ANO1: variants seen among roughly 807,000 people sequenced by gnomAD.
ANO1 encodes anoctamin 1.
ANO1 carries 59 observed loss-of-function variants against 124.0 expected under a neutral mutation model. The ratio of observed to expected loss-of-function variants is 0.48; its 90% CI spans 0.39 to 0.59. ANO1 has a LOEUF of 0.59. Ranked by LOEUF, ANO1 falls within the 20% of genes least tolerant of loss-of-function variation. The pLI, the probability that ANO1 is intolerant of heterozygous loss-of-function variation, is 0.00. For synonymous variants in ANO1, 529 were observed against 532.0 expected, an observed-to-expected ratio of 0.99 and a Z score of 0.08; for missense variants, 1,059 against 1,328.0, an observed-to-expected ratio of 0.80 and a Z score of 3.15.
Position 70,149,792 on chromosome 11 carries a change from G to C in ANO1, c.1341G>C (p.Glu447Asp), listed in dbSNP as rs1191941991. Residue 447 changes from glutamate to aspartate, a missense_variant and splice_region_variant, in exon 12 of 26, where the codon GAG becomes GAC. By Grantham distance (45) the Glu-to-Asp change is conservative (BLOSUM62 2). This residue lies in a region of ANO1 where 809 missense variants were observed against 1,094.9 expected (regional missense o/e 0.74). Transcript: ENST00000355303. ...RWDLTGFEEE[E>D]EAVKDHPRAE... ...ACCTCACGGGCTTTGAAGAGGAAGA[G>C]GTCAGTGGGTTTGCCGCCGTGCATA... 11 of 1,613,356 alleles carry C rather than the reference G, an allele frequency of 6.8e-6. No individual in the cohort carries two copies. The highest frequency in any genetic ancestry group is 7.6e-6 in the Non-Finnish European group (9 of 1,179,738).
intron 1 of ANO1, among the ~76,000 whole-genome samples, chr11:70,057,504 C>T (rs1857467678): frequency 6.6e-6 from 1 of 151,902 alleles, no homozygotes; most frequent in East Asian, 1.9e-4. Context: ...GCAGGCGAGG[C>T]AGACTGAGTC....
intron 2 of ANO1, among the ~76,000 whole-genome samples, chr11:70,091,725 T>A (rs2044633157): frequency 6.6e-6 from 1 of 152,130 alleles, no homozygotes; most frequent in Non-Finnish European, 1.5e-5. Context: ...TGACCTGGCC[T>A]TTGTTCCTGG....
At chr11:69,970,498 G>C in the ANO1 span, among the ~76,000 whole-genome samples, 1 of 152,188 alleles carries the variant, frequency 6.6e-6, no homozygotes, top group Non-Finnish European at 1.5e-5. Flanking sequence ...CGGGAGGCAG[G>C]GGCTGTTTGC....
chr11:70,105,192 C>T (rs374650001), intron 4 of ANO1, among the ~76,000 whole-genome samples: 51 of 152,296 alleles, frequency 3.3e-4, no homozygotes, highest in African/African-American at 1.1e-3. Context: ...CCGCCCTCCC[C>T]AGCTCTCCCC....
At chr11:70,101,436 A>T (rs2045269350) in intron 2 of ANO1, among the ~76,000 whole-genome samples, 1 of 151,830 alleles carries the variant, frequency 6.6e-6, no homozygotes, top group African/African-American at 2.4e-5. Context: ...CATGCCTGTA[A>T]TCCCAGCTAC....
At chr11:70,039,867 C>T (rs1857155514) in intron 1 of ANO1, among the ~76,000 whole-genome samples, 1 of 152,184 alleles carries the variant, frequency 6.6e-6, no homozygotes, top group Admixed American at 6.5e-5. Flanking sequence ...AAAGGAAGTG[C>T]CACAAGGTGG....
chr11:70,014,831 T>G (rs1458162846), intron 1 of ANO1: 7 of 8,146 alleles, frequency 8.6e-4, no homozygotes, highest in Non-Finnish European at 1.7e-3. Context: ...TTGTTTTTGT[T>G]TTTTTTTTTT....
rs531978067 is a variant in ANO1 at position 70,136,662 on chromosome 11, G to A, written c.1258+4583G>A. On this transcript the variant is annotated intron_variant, in intron 11 of 25. Transcript: ENST00000355303. ...CTGGTGAGGTCAGGTGCCTGTCGTC[G>A]GCGTCTGCACTTGCCTGGAAGCCGC... 1.8e-4 allele frequency among the ~76,000 whole-genome samples: 27 copies of A among 147,262 alleles called. 3 individuals are homozygous for A. The highest frequency in any genetic ancestry group is 1.4e-3 in the Admixed American group (20 of 13,908).
At chr11:70,067,556 G>A (rs534019678) in intron 1 of ANO1, among the ~76,000 whole-genome samples, 28 of 152,296 alleles carry the variant, frequency 1.8e-4, no homozygotes, top group African/African-American at 5.5e-4. Context: ...TTGAACTCCC[G>A]ACCTCAAGTG....
At chr11:70,073,774 T>G (rs1170718780), upstream of ANO1, among the ~76,000 whole-genome samples, 1 of 152,012 alleles carries the variant, frequency 6.6e-6, no homozygotes, top group South Asian at 2.1e-4. Flanking sequence ...ATTAAGAATC[T>G]GAAAACCCTC....
intron 21 of ANO1, among the ~76,000 whole-genome samples, chr11:70,168,943 CCT>C (rs35676656): frequency 0.099 from 15,008 of 152,218 alleles, 821 homozygotes; most frequent in Middle Eastern, 0.2. Flanking sequence ...TTCTGTGGCT[CCT>C]CTCTGTTTTC....
At chr11:69,978,794 G>A in the ANO1 span, among the ~76,000 whole-genome samples, 1 of 152,172 alleles carries the variant, frequency 6.6e-6, no homozygotes, top group Non-Finnish European at 1.5e-5. Flanking sequence ...AACCATGTGA[G>A]GAGAAAACCC....
Position 70,111,778 on chromosome 11 carries a change from A to G in ANO1, c.855+16A>G. 6.2e-7 allele frequency: 1 copy of G among 1,613,688 alleles called. No individual in the cohort carries two copies. Among genetic ancestry groups the G allele is most frequent in the Non-Finnish European group, 8.5e-7 (1 of 1,179,592 alleles). On this transcript the variant is annotated intron_variant, in intron 7 of 25. Coordinates refer to ENST00000355303, the MANE Select transcript of ANO1 (RefSeq NM_018043.7). Reference sequence around the variant, plus strand: ...ACTGCACGATGTAAGTAACCTTGACACACGATTTATCTCTGCGTCATTTGA... The same window carrying G: ...ACTGCACGATGTAAGTAACCTTGACGCACGATTTATCTCTGCGTCATTTGA...
chr11:70,185,578 G>A lies in ANO1; in HGVS notation c.2589-12G>A, dbSNP rs762660691. ...GAAGTCCCACCCTCGACTCCACCACGGTCTTTTGCAGGTATAAAGACTACC... is the reference window on the plus strand; with the variant it reads ...GAAGTCCCACCCTCGACTCCACCACAGTCTTTTGCAGGTATAAAGACTACC... On this transcript the variant is annotated splice_polypyrimidine_tract_variant and intron_variant, in intron 24 of 25. Coordinates refer to ENST00000355303, the MANE Select transcript of ANO1 (RefSeq NM_018043.7). 3.7e-6 allele frequency: 6 copies of A among 1,611,032 alleles called. No individual in the cohort carries two copies. Among genetic ancestry groups the A allele is most frequent in the African/African-American group, 1.3e-5 (1 of 74,990 alleles).
chr11:69,988,491 A>G (rs992588713), intron 1 of ANO1, among the ~76,000 whole-genome samples: 3 of 152,216 alleles, frequency 2.0e-5, no homozygotes, highest in African/African-American at 7.2e-5. Context: ...AGTGAGGATT[A>G]TCATCATTGT....
At position 70,124,267 on chromosome 11, in the gene ANO1, G is replaced by A. The variant is rs970509450; in HGVS notation, c.898-83G>A. Reference sequence around the variant, plus strand: ...GGGATGAATGAATGATGTCACGGAGGCTCAGTCCCCGCAGCTCTGCGTTCC... The same window carrying A: ...GGGATGAATGAATGATGTCACGGAGACTCAGTCCCCGCAGCTCTGCGTTCC... On this transcript the variant is annotated intron_variant, in intron 8 of 25. Transcript: ENST00000355303. 8 of 1,291,342 alleles carry A rather than the reference G, an allele frequency of 6.2e-6. No homozygotes were observed. The African/African-American group carries it at 7.3e-5, about 12-fold the overall frequency. The allele number at this position is 1,291,342 out of a possible 1,614,324, so 80.0% of individuals were successfully genotyped here. A position where few individuals can be genotyped will look rare whatever the true frequency, so the allele number is the denominator to read the frequency against.
At chr11:70,020,800 T>G (rs1177661296) in intron 1 of ANO1, 5 of 152,226 alleles carry the variant, frequency 3.3e-5, no homozygotes, top group African/African-American at 1.2e-4. Flanking sequence ...AGCAGAGAAC[T>G]AAACCCAGAA....
At chr11:70,171,152 G>A in intron 22 of ANO1, 113 bp downstream of exon 22, 8 of 1,399,700 alleles carry the variant, frequency 5.7e-6, no homozygotes, top group Non-Finnish European at 7.7e-6. Context: ...CCCTCCTGGG[G>A]CTCTTCACTC....
At chr11:70,029,609 C>T (rs1263373652) in intron 1 of ANO1, among the ~76,000 whole-genome samples, 2 of 152,248 alleles carry the variant, frequency 1.3e-5, no homozygotes, top group East Asian at 1.9e-4. Flanking sequence ...TCTGAGGGCG[C>T]CCAGGTGCTC....
Sources: allele counts gnomAD v4.1 joint callset (sites outside exome capture counted in the v4.1 genomes callset), GRCh38; gene constraint gnomAD v4.1.1; regional missense constraint gnomAD v4.1.1; transcripts MANE v1.5; gene names NCBI Gene and HGNC (gene_info 2026-07-23, HGNC 2026-07-21).